The following LY6H variants were observed in gnomAD, a reference collection of about 807,000 sequenced individuals.
The protein encoded by LY6H is lymphocyte antigen 6 family member H.
In LY6H, 8 loss-of-function variants were observed where a neutral mutation model predicts 14.6. The ratio of observed to expected loss-of-function variants is 0.55; its 90% CI spans 0.32 to 0.99. LY6H has a LOEUF of 0.99. LY6H is among the 50% of genes least tolerant of loss of function. The pLI, the probability that LY6H is intolerant of heterozygous loss-of-function variation, is 0.04. For synonymous variants in LY6H, 115 were observed against 97.2 expected (o/e 1.18, Z -1.08); for missense variants, 196 against 219.6 (o/e 0.89, Z 0.68).
chr8:143,158,799 T>A lies in LY6H; in HGVS notation c.250+4A>T. The A allele has an allele frequency of 6.3e-7, 1 of 1,580,446 alleles. No individual in the cohort carries two copies. On this transcript the variant is annotated splice_donor_region_variant and intron_variant, in intron 3 of 3. Coordinates refer to ENST00000342752, the MANE Select transcript of LY6H (RefSeq NM_001135655.2). ...ATTCCCCACCACCCTAAGTCCCAACTTACTGCTGCTGGGATCGGTGATTCG... is the reference window on the plus strand; with the variant it reads ...ATTCCCCACCACCCTAAGTCCCAACATACTGCTGCTGGGATCGGTGATTCG...
Position 143,158,843 on chromosome 8 carries a change from G to A in LY6H, c.210C>T (p.Asp70=). 1 of 1,608,328 alleles carries A rather than the reference G, an allele frequency of 6.2e-7. No individual in the cohort carries two copies. Among genetic ancestry groups the A allele is most frequent in the Non-Finnish European group, 8.5e-7 (1 of 1,175,874 alleles). The change falls in exon 3 of 4, where the codon GAC becomes GAT. Residue 70 remains aspartate (D), a synonymous_variant. Transcript: ENST00000342752. ...TGATTCGGACACTGGCACACACCGT[G>A]TCGGACGGCTGGCACTGCTTTGGGG... ...HCTPKQCQPS[D]TVCASVRITD...
chr8:143,159,278 A>C, intron 2 of LY6H: 1 of 536,200 alleles, frequency 1.9e-6, no homozygotes, highest in Non-Finnish European at 3.3e-6. Flanking sequence ...CCAAGCTGTG[A>C]AGGACCAAAC....
chr8:143,160,309 C>A lies in LY6H; in HGVS notation c.-110G>T, dbSNP rs1425444441. On this transcript the variant is annotated 5_prime_UTR_variant, in exon 1 of 4. Coordinates refer to ENST00000342752, the MANE Select transcript of LY6H (RefSeq NM_001135655.2). ...GGGCGCAGCCTCGTCTTTCGGGGAA[C>A]GCAGCCGCAGACGCGGACCCCGCGC... The A allele has an allele frequency of 2.1e-6, 2 of 940,038 alleles. No individual in the cohort carries two copies. The highest frequency in any genetic ancestry group is 1.4e-6 in the Non-Finnish European group (1 of 725,052). The allele number at this position is 940,038 out of a possible 1,614,324, so 58.2% of individuals were successfully genotyped here. A position where few individuals can be genotyped will look rare whatever the true frequency, so the allele number is the denominator to read the frequency against.
intron 2 of LY6H, chr8:143,159,251 C>T (rs1043486918): frequency 1.1e-5 from 6 of 557,846 alleles, no homozygotes; most frequent in Non-Finnish European, 1.6e-5. Flanking sequence ...CATATCCCCC[C>T]CAGAGGTCCG....
At chr8:143,159,362 C>G in intron 2 of LY6H, 3 of 575,012 alleles carry the variant, frequency 5.2e-6, no homozygotes, top group Non-Finnish European at 8.8e-6. Flanking sequence ...GGCCAGCCGC[C>G]CACCAGTTCC....
chr8:143,158,817 G>C lies in LY6H; in HGVS notation c.236C>G (p.Thr79Ser). ...SDTVCASVRITDPSSSRKDHS... is the reference protein window; with the variant it reads ...SDTVCASVRISDPSSSRKDHS... ...TCCCAACTTACTGCTGCTGGGATCG[G>C]TGATTCGGACACTGGCACACACCGT... The change falls in exon 3 of 4, where the codon ACC (threonine) becomes AGC (serine). Residue 79 changes from threonine (T) to serine (S), a missense_variant. Coordinates refer to ENST00000342752, the MANE Select transcript of LY6H (RefSeq NM_001135655.2). 1.9e-6 allele frequency: 3 copies of C among 1,593,080 alleles called. No homozygotes were observed. Among genetic ancestry groups the C allele is most frequent in the Non-Finnish European group, 2.6e-6 (3 of 1,165,326 alleles).
In LY6H at chr8:143,158,796, A is replaced by G. The variant is rs934406060; in HGVS notation, c.250+7T>C. The G allele has an allele frequency of 1.3e-6, 2 of 1,578,062 alleles. No individual in the cohort carries two copies. The highest frequency in any genetic ancestry group is 1.7e-6 in the Non-Finnish European group (2 of 1,157,192). ...CACATTCCCCACCACCCTAAGTCCC[A>G]ACTTACTGCTGCTGGGATCGGTGAT... On this transcript the variant is annotated splice_region_variant and intron_variant, in intron 3 of 3. Transcript: ENST00000342752.
At chr8:143,159,527 G>C in intron 2 of LY6H, 55 bp downstream of exon 2, 2 of 1,438,782 alleles carry the variant, frequency 1.4e-6, no homozygotes, top group Admixed American at 5.7e-5. Context: ...CGGCTCTCCC[G>C]CGGCGCCTCG....
chr8:143,159,898 A>C, intron 1 of LY6H, 189 bp from the exon 2 acceptor site: 2 of 1,150,946 alleles, frequency 1.7e-6, no homozygotes, highest in Non-Finnish European at 2.2e-6. Flanking sequence ...CTCTGGGGCG[A>C]GGTGACAGCT....
rs1815550601 is a variant in LY6H, at chr8:143,159,713, G to A, written c.3-4C>T. ...GCGGGTCCTCTGGGGCGCAAGCCTGGAGGGGAGAAGCATCGGTCAGGAGAC... is the reference window on the plus strand; with the variant it reads ...GCGGGTCCTCTGGGGCGCAAGCCTGAAGGGGAGAAGCATCGGTCAGGAGAC... On this transcript the variant is annotated splice_polypyrimidine_tract_variant and splice_region_variant and intron_variant, in intron 1 of 3. Coordinates refer to ENST00000342752, the MANE Select transcript of LY6H (RefSeq NM_001135655.2). 5 of 1,367,370 alleles carry A rather than the reference G, an allele frequency of 3.7e-6. No individual in the cohort carries two copies. Among genetic ancestry groups the A allele is most frequent in the East Asian group, 3.1e-5 (1 of 32,286 alleles). 84.7% of individuals were successfully genotyped at this position (1,367,370 alleles called of 1,614,324 possible).
chr8:143,159,801 G>A (rs1815553231), intron 1 of LY6H, 92 bp from the exon 2 acceptor site: 14 of 1,277,392 alleles, frequency 1.1e-5, no homozygotes, highest in Non-Finnish European at 1.3e-5. Context: ...CCAAGGCCGG[G>A]GTCCGCCCGG....
At chr8:143,159,497 G>C (rs1815540098) in intron 2 of LY6H, 85 bp downstream of exon 2, 1 of 1,386,162 alleles carries the variant, frequency 7.2e-7, no homozygotes, top group Admixed American at 3.1e-5. Context: ...GGAACCGTCA[G>C]AGGGTGGCAG....
Position 143,158,343 on chromosome 8 carries a change from G to A in LY6H, c.393C>T (p.Cys131=). The A allele has an allele frequency of 6.2e-7, 1 of 1,613,642 alleles. No homozygotes were observed. The highest frequency in any genetic ancestry group is 1.3e-5 in the African/African-American group (1 of 74,966). ...VDVDCCEKDL[C]NGAAGAGHSP... is the part of the protein sequence containing the mutation. Reference sequence around the variant, plus strand: ...TGTGCCCTGCCCCTGCCGCCCCATTGCACAAATCCTTCTCGCAGCAGTCCA... The same window carrying A: ...TGTGCCCTGCCCCTGCCGCCCCATTACACAAATCCTTCTCGCAGCAGTCCA... Residue 131 remains cysteine (C), a synonymous_variant, in exon 4 of 4, where the codon TGC becomes TGT. Coordinates refer to ENST00000342752, the MANE Select transcript of LY6H (RefSeq NM_001135655.2).
intron 1 of LY6H, 29 bp downstream of exon 1, chr8:143,160,169 C>A: frequency 3.1e-6 from 4 of 1,278,602 alleles, no homozygotes; most frequent in Non-Finnish European, 4.0e-6. Flanking sequence ...GCGTGGAGCG[C>A]GGGCCTCGGG....
At chr8:143,159,846 G>C (rs995878425) in intron 1 of LY6H, 137 bp from the exon 2 acceptor site, 2 of 1,160,142 alleles carry the variant, frequency 1.7e-6, no homozygotes, top group Non-Finnish European at 2.2e-6. Context: ...CCCTTCTCCA[G>C]AGCGTCCGCC....
chr8:143,160,325 G>T, upstream of LY6H: 1 of 761,180 alleles, frequency 1.3e-6, no homozygotes, highest in Non-Finnish European at 1.8e-6. Flanking sequence ...CGCAGACGCG[G>T]ACCCCGCGCG....
In LY6H at chr8:143,158,746, CCT is replaced by C. The variant is rs892205993; in HGVS notation, c.250+55_250+56del. On this transcript the variant is annotated intron_variant, in intron 3 of 3. Transcript: ENST00000342752. ...AGAGGGGCTCCGAGGACACCTCTGACCTCTCTCAAGAGCCTGGCTTTTAGCAC... is the reference window on the plus strand; with the variant it reads ...AGAGGGGCTCCGAGGACACCTCTGACCTCTCAAGAGCCTGGCTTTTAGCAC... 3.9e-6 allele frequency: 6 copies of C among 1,548,438 alleles called. No homozygotes were observed. The African/African-American group carries it at 6.8e-5, about 18-fold the overall frequency.
Position 143,158,202 on chromosome 8 carries a change from A to C in LY6H, c.*48T>G. The C allele has an allele frequency of 7.1e-7, 1 of 1,413,000 alleles. No individual in the cohort carries two copies. Among genetic ancestry groups the C allele is most frequent in the Non-Finnish European group, 9.7e-7 (1 of 1,027,546 alleles). 87.5% of individuals were successfully genotyped at this position (1,413,000 alleles called of 1,614,324 possible). A position where few individuals can be genotyped will look rare whatever the true frequency, so the allele number is the denominator to read the frequency against. On this transcript the variant is annotated 3_prime_UTR_variant, in exon 4 of 4. Transcript: ENST00000342752. ...ACGCCAGGCTGGGGAGAGGGCAGCC[A>C]CAGGCTCAGGGGAGCAAGCTCAGAA...
At chr8:143,159,265 G>C (rs1815533345) in intron 2 of LY6H, 2 of 551,076 alleles carry the variant, frequency 3.6e-6, no homozygotes, top group African/African-American at 3.8e-5. Flanking sequence ...AGGTCCGTGG[G>C]TTCCAAGCTG....
Sources: allele counts gnomAD v4.1 joint callset, GRCh38; gene constraint gnomAD v4.1.1; transcripts MANE v1.5; gene names NCBI Gene and HGNC (gene_info 2026-07-23, HGNC 2026-07-21).